The following WFDC8 variants were observed in gnomAD, a reference collection of about 807,000 sequenced individuals.
WFDC8 encodes WAP four-disulfide core domain protein 8.
WFDC8 carries 24 observed loss-of-function variants against 27.0 expected under a neutral mutation model. The ratio of observed to expected loss-of-function variants is 0.89; its 90% CI spans 0.64 to 1.25. WFDC8 has a LOEUF of 1.25. Among genes scored for constraint, WFDC8 ranks in the 50% most tolerant of loss-of-function variants. The probability of loss-of-function intolerance (pLI) is 0.00; values close to 1 mark genes in which losing one functional copy is unlikely to be tolerated. For missense variants in WFDC8, 287 were observed against 295.9 expected, an observed-to-expected ratio of 0.97 and a Z score of 0.22; for synonymous variants, 106 against 99.7, an observed-to-expected ratio of 1.06 and a Z score of -0.38.
intron 1 of WFDC8, among the ~76,000 whole-genome samples, chr20:45,577,384 A>G (rs1981080064): frequency 6.6e-6 from 1 of 150,896 alleles, no homozygotes; most frequent in East Asian, 1.9e-4. Context: ...TGAAACAATA[A>G]TATATATTAC....
At chr20:45,558,689 C>T (rs955572330) in intron 3 of WFDC8, among the ~76,000 whole-genome samples, 163 bp downstream of exon 3, 1 of 152,148 alleles carries the variant, frequency 6.6e-6, no homozygotes, top group Non-Finnish European at 1.5e-5. Context: ...TGATGGTCAC[C>T]ATGCCTAGAC....
chr20:45,572,343 GC>G (rs1270454716), intron 1 of WFDC8, among the ~76,000 whole-genome samples: 1 of 144,774 alleles, frequency 6.9e-6, no homozygotes, highest in Non-Finnish European at 1.5e-5. Flanking sequence ...CTTGCAGTGA[GC>G]CGAGATCGTG....
intron 1 of WFDC8, among the ~76,000 whole-genome samples, chr20:45,569,613 G>A (rs7265026): frequency 0.37 from 55,502 of 151,944 alleles, 10,762 homozygotes; most frequent in Non-Finnish European, 0.43. Flanking sequence ...GGATTTTTAT[G>A]GTTTTGGGTT....
At position 45,555,229 on chromosome 20, in the gene WFDC8, A is replaced by C. The variant is rs1980195298; in HGVS notation, c.445+472T>G. Among the ~76,000 whole-genome samples the C allele has an allele frequency of 2.6e-5, 4 of 152,192 alleles. No homozygotes were observed. The South Asian group carries it at 8.3e-4, about 31-fold the overall frequency. ...TTTCCCAACATTGCTGGTGATGATC[A>C]TTATACTAAGGAATGAATCCACAGC... On this transcript the variant is annotated intron_variant, in intron 4 of 5. Transcript: ENST00000289953.
intron 1 of WFDC8, chr20:45,568,739 T>C: frequency 1.9e-6 from 1 of 514,876 alleles, no homozygotes; most frequent in Admixed American, 2.0e-5. Context: ...TGGTGACCCA[T>C]GCATAACCAG....
intron 1 of WFDC8, among the ~76,000 whole-genome samples, 184 bp downstream of exon 1, chr20:45,579,038 C>T (rs1981143084): frequency 6.6e-6 from 1 of 152,088 alleles, no homozygotes; most frequent in Non-Finnish European, 1.5e-5. Context: ...TGCATTGATG[C>T]CCTCTTCACC....
Position 45,552,453 on chromosome 20 carries a change from A to G in WFDC8, c.587-288T>C, listed in dbSNP as rs190735639. Among the ~76,000 whole-genome samples the G allele has an allele frequency of 1.3e-4, 20 of 152,364 alleles. No individual in the cohort carries two copies. In the East Asian group the frequency reaches 3.7e-3, roughly 28 times the overall value. On this transcript the variant is annotated intron_variant, in intron 5 of 5. Transcript: ENST00000289953. Reference sequence around the variant, plus strand: ...GGGTTATATAACCCCAGAGTACCACAGGTGGCAGGAGTATTAGCACACAGA... The same window carrying G: ...GGGTTATATAACCCCAGAGTACCACGGGTGGCAGGAGTATTAGCACACAGA...
intron 2 of WFDC8, among the ~76,000 whole-genome samples, chr20:45,561,800 C>G (rs906966847): frequency 6.6e-6 from 1 of 151,376 alleles, no homozygotes; most frequent in Non-Finnish European, 1.5e-5. Flanking sequence ...TGTAATCACC[C>G]AAGAATTATG....
At chr20:45,569,872 C>A (rs544325787) in intron 1 of WFDC8, among the ~76,000 whole-genome samples, 3 of 152,294 alleles carry the variant, frequency 2.0e-5, no homozygotes, top group Admixed American at 6.5e-5. Flanking sequence ...AGAATGAGAT[C>A]ATGTCCTTTG....
intron 1 of WFDC8, among the ~76,000 whole-genome samples, chr20:45,563,943 T>C (rs1980555870): frequency 6.6e-6 from 1 of 152,194 alleles, no homozygotes; most frequent in Non-Finnish European, 1.5e-5. Flanking sequence ...GGATGTCCAT[T>C]TATAATTTTA....
intron 1 of WFDC8, among the ~76,000 whole-genome samples, 166 bp downstream of exon 1, chr20:45,579,056 G>A (rs6130862): frequency 8.5e-5 from 13 of 152,218 alleles, no homozygotes; most frequent in African/African-American, 2.9e-4. Flanking sequence ...ACCCTGCTTA[G>A]GCTCTGATTC....
At chr20:45,572,740 G>A (rs1980912235) in intron 1 of WFDC8, among the ~76,000 whole-genome samples, 1 of 152,192 alleles carries the variant, frequency 6.6e-6, no homozygotes, top group Admixed American at 6.5e-5. Context: ...CCGAGTAGCT[G>A]GAACTACAGG....
At chr20:45,554,315 A>G (rs903060791) in intron 4 of WFDC8, among the ~76,000 whole-genome samples, 2 of 152,144 alleles carry the variant, frequency 1.3e-5, no homozygotes, top group African/African-American at 4.8e-5. Context: ...GGTGTGAGCT[A>G]CTGTGCCTGG....
At chr20:45,566,324 T>G (rs921461388) in intron 1 of WFDC8, among the ~76,000 whole-genome samples, 3 of 152,180 alleles carry the variant, frequency 2.0e-5, no homozygotes, top group Non-Finnish European at 4.4e-5. Flanking sequence ...TTAAAATAAT[T>G]TTTAAATGCT....
chr20:45,569,630 T>G (rs1980800481), intron 1 of WFDC8, among the ~76,000 whole-genome samples: 1 of 152,206 alleles, frequency 6.6e-6, no homozygotes, highest in Non-Finnish European at 1.5e-5. Flanking sequence ...GGTTTAAAAT[T>G]TAAGTCTTTA....
At chr20:45,568,013 C>A (rs1268297138) in intron 1 of WFDC8, 1 of 257,012 alleles carries the variant, frequency 3.9e-6, no homozygotes, top group East Asian at 9.8e-5. Context: ...ACTGTGAAGG[C>A]CCTGCTAGAG....
chr20:45,556,789 AAACT>A (rs1480589026), intron 3 of WFDC8, among the ~76,000 whole-genome samples: 2 of 152,218 alleles, frequency 1.3e-5, no homozygotes, highest in African/African-American at 2.4e-5. Flanking sequence ...CAACAACAAC[AAACT>A]ATTTCTCAAT....
rs566686261 is a variant in WFDC8 at position 45,564,599 on chromosome 20, G to A, written c.27-2380C>T. 4.2e-4 allele frequency among the ~76,000 whole-genome samples: 64 copies of A among 151,868 alleles called. No individual in the cohort carries two copies. The South Asian group carries it at 0.011, about 26-fold the overall frequency. ...TGAGGCAGGACAATGGCGTGAACCCGGGAGGCAGAGCTTTCAGTGAGCCGA... is the reference window on the plus strand; with the variant it reads ...TGAGGCAGGACAATGGCGTGAACCCAGGAGGCAGAGCTTTCAGTGAGCCGA... On this transcript the variant is annotated intron_variant, in intron 1 of 5. Coordinates refer to ENST00000289953, the MANE Select transcript of WFDC8 (RefSeq NM_130896.3).
chr20:45,562,278 T>A (rs1980499142), intron 1 of WFDC8, 59 bp from the exon 2 acceptor site: 1 of 1,422,994 alleles, frequency 7.0e-7, no homozygotes, highest in Non-Finnish European at 9.9e-7. Context: ...ACACAAAGTG[T>A]GTGCAGGGGA....
Sources: allele counts gnomAD v4.1 joint callset (sites outside exome capture counted in the v4.1 genomes callset), GRCh38; gene constraint gnomAD v4.1.1; transcripts MANE v1.5; gene names NCBI Gene and HGNC (gene_info 2026-07-23, HGNC 2026-07-21).